SCN7A: variants seen among roughly 807,000 people sequenced by gnomAD.
SCN7A encodes sodium voltage-gated channel alpha subunit 7, also known as sodium channel protein type 7 subunit alpha.
A neutral mutation model predicts 155.2 loss-of-function variants in SCN7A; 138 were observed. The observed-to-expected ratio is 0.89, with a 90% CI of 0.77 to 1.02. The LOEUF (loss-of-function observed/expected upper bound fraction) is 1.02, where lower values mean the gene tolerates loss of function less well. SCN7A is among the 50% of genes least tolerant of loss of function. The pLI is 0.00. For missense variants in SCN7A, 2,058 were observed against 1,986.6 expected (o/e 1.04, Z -0.68); for synonymous variants, 693 against 649.0 (o/e 1.07, Z -1.03).
intron 6 of SCN7A, among the ~76,000 whole-genome samples, chr2:166,471,728 G>C (rs559571515): frequency 9.0e-5 from 7 of 78,188 alleles, no homozygotes; most frequent in East Asian, 5.8e-4. Context: ...GAAAATGTGG[G>C]GGGGGGGGTG....
intron 9 of SCN7A, among the ~76,000 whole-genome samples, chr2:166,464,200 GTATA>G (rs1464186349): frequency 6.6e-6 from 1 of 150,988 alleles, no homozygotes; most frequent in African/African-American, 2.4e-5. Context: ...GTATGTGTGT[GTATA>G]TATATACACA....
chr2:166,490,702 C>T (rs1247527529), intron 1 of SCN7A, among the ~76,000 whole-genome samples: 1 of 152,156 alleles, frequency 6.6e-6, no homozygotes, highest in Non-Finnish European at 1.5e-5. Context: ...AGAACTGGCA[C>T]ATTTACTGAA....
intron 1 of SCN7A, among the ~76,000 whole-genome samples, chr2:166,491,008 G>C (rs1398128821): frequency 6.6e-6 from 1 of 152,146 alleles, no homozygotes; most frequent in Non-Finnish European, 1.5e-5. Context: ...GAGTAGATAT[G>C]GGCAAGAGCC....
At chr2:166,412,754 A>T in intron 22 of SCN7A, 87 bp from the exon 23 acceptor site, 1 of 1,420,934 alleles carries the variant, frequency 7.0e-7, no homozygotes, top group South Asian at 1.6e-5. Context: ...ACAATAACAA[A>T]ACAAGCATTG....
Position 166,438,275 on chromosome 2 carries a change from C to T in SCN7A, c.2157+3121G>A, listed in dbSNP as rs1701880476. Reference sequence around the variant, plus strand: ...CTGCTTCACTATGCACTTCTCCTTGCTGCCATCATGTGAAGAAGAGCATGC... The same window carrying T: ...CTGCTTCACTATGCACTTCTCCTTGTTGCCATCATGTGAAGAAGAGCATGC... On this transcript the variant is annotated intron_variant, in intron 15 of 25. Coordinates refer to ENST00000643258, the MANE Select transcript of SCN7A (RefSeq NM_002976.4). Among the ~76,000 whole-genome samples the T allele has an allele frequency of 5.9e-5, 9 of 152,170 alleles. No individual in the cohort carries two copies. In the South Asian group the frequency reaches 1.9e-3, roughly 31 times the overall value.
chr2:166,481,379 T>A (rs1174715479), intron 2 of SCN7A, among the ~76,000 whole-genome samples: 3 of 152,188 alleles, frequency 2.0e-5, no homozygotes, highest in African/African-American at 7.2e-5. Context: ...TTAACTGTGA[T>A]AAAATTTGCT....
intron 14 of SCN7A, among the ~76,000 whole-genome samples, chr2:166,442,140 G>A (rs1701975526): frequency 6.6e-6 from 1 of 152,082 alleles, no homozygotes; most frequent in South Asian, 2.1e-4. Context: ...AAGTCTTTCA[G>A]GATCCAGTGG....
chr2:166,450,205 T>A (rs1413916828), intron 11 of SCN7A, among the ~76,000 whole-genome samples: 1 of 152,152 alleles, frequency 6.6e-6, no homozygotes, highest in African/African-American at 2.4e-5. Context: ...AGCCAGTTAA[T>A]GCAGGAACAG....
rs141382538 is a variant in SCN7A, at chr2:166,431,268, G to C, written c.2592+1050C>G. 6.6e-5 allele frequency among the ~76,000 whole-genome samples: 10 copies of C among 152,120 alleles called. No individual in the cohort carries two copies. The East Asian group carries it at 1.9e-3, about 29-fold the overall frequency. On this transcript the variant is annotated intron_variant, in intron 16 of 25. Coordinates refer to ENST00000643258, the MANE Select transcript of SCN7A (RefSeq NM_002976.4). ...AAGGTAAATGAATCTTAGACTATTG[G>C]GCATGTGGATTAAAAATGTCTCTCT...
At chr2:166,414,959 T>G (rs1281101679) in intron 21 of SCN7A, among the ~76,000 whole-genome samples, 1 of 119,820 alleles carries the variant, frequency 8.3e-6, no homozygotes, top group Non-Finnish European at 1.7e-5. Context: ...TATATATTAT[T>G]ATATAGGATA....
intron 25 of SCN7A, among the ~76,000 whole-genome samples, 196 bp from the exon 26 acceptor site, chr2:166,406,842 TGCTCAGGGTATCTA>T (rs1701087659): frequency 6.6e-6 from 1 of 152,040 alleles, no homozygotes; most frequent in Admixed American, 6.6e-5. Flanking sequence ...ATTGTATCAA[TGCTCAGGGTATCTA>T]GCTAAATTTG....
chr2:166,423,258 C>A lies in SCN7A; in HGVS notation c.3027+1G>T, dbSNP rs80167323. On this transcript the variant is annotated splice_donor_variant, in intron 19 of 25. Transcript: ENST00000643258. LOFTEE classifies it high-confidence loss of function. ...CCTTTCATTTTCTTTAAAATACGTACAATAACAACCACGAAGTCCAGCCTG... is the reference window on the plus strand; with the variant it reads ...CCTTTCATTTTCTTTAAAATACGTAAAATAACAACCACGAAGTCCAGCCTG... 6.3e-7 allele frequency: 1 copy of A among 1,598,862 alleles called. No homozygotes were observed. Among genetic ancestry groups the A allele is most frequent in the Non-Finnish European group, 8.5e-7 (1 of 1,175,774 alleles).
intron 3 of SCN7A, among the ~76,000 whole-genome samples, chr2:166,475,137 T>TAC (rs370385393): frequency 0.1 from 13,410 of 131,926 alleles, 766 homozygotes; most frequent in East Asian, 0.16. Context: ...TATATATATA[T>TAC]ACACACACAC....
At chr2:166,445,511 A>C (rs1027047268) in intron 12 of SCN7A, among the ~76,000 whole-genome samples, 2 of 152,104 alleles carry the variant, frequency 1.3e-5, no homozygotes, top group African/African-American at 4.8e-5. Flanking sequence ...AAACAGAAAT[A>C]CTCTATCCTA....
chr2:166,412,021 T>C (rs867070329), intron 23 of SCN7A, among the ~76,000 whole-genome samples: 1 of 152,046 alleles, frequency 6.6e-6, no homozygotes, highest in Non-Finnish European at 1.5e-5. Flanking sequence ...ACTGTAGTTA[T>C]TCAATTCTGT....
intron 15 of SCN7A, among the ~76,000 whole-genome samples, chr2:166,435,652 T>C (rs183249474): frequency 2.2e-4 from 34 of 152,256 alleles, no homozygotes; most frequent in African/African-American, 7.9e-4. Flanking sequence ...TTGAGGCTAT[T>C]TAATTTTAAA....
chr2:166,456,654 C>G (rs1333292800), intron 11 of SCN7A, among the ~76,000 whole-genome samples: 2 of 152,034 alleles, frequency 1.3e-5, no homozygotes, highest in African/African-American at 4.8e-5. Context: ...AATGTTGACA[C>G]AAGCAGAGCC....
At chr2:166,443,742 C>A in intron 13 of SCN7A, 66 bp from the exon 14 acceptor site, 2 of 1,187,926 alleles carry the variant, frequency 1.7e-6, no homozygotes, top group Non-Finnish European at 2.3e-6. Flanking sequence ...TCTTCACACA[C>A]AAAATCTGTG....
At chr2:166,430,935 T>C (rs1200499494) in intron 16 of SCN7A, among the ~76,000 whole-genome samples, 1 of 152,040 alleles carries the variant, frequency 6.6e-6, no homozygotes, top group Non-Finnish European at 1.5e-5. Flanking sequence ...TAACTAAATA[T>C]ATAAATAAAT....
Sources: allele counts gnomAD v4.1 joint callset (sites outside exome capture counted in the v4.1 genomes callset), GRCh38; gene constraint gnomAD v4.1.1; transcripts MANE v1.5; gene names NCBI Gene and HGNC (gene_info 2026-07-23, HGNC 2026-07-21).